TRAPPC9: variants seen among roughly 807,000 people sequenced by gnomAD.
TRAPPC9 encodes IKK2 binding protein.
A neutral mutation model predicts 124.0 loss-of-function variants in TRAPPC9; 83 were observed. The ratio of observed to expected loss-of-function variants is 0.67; its 90% CI spans 0.56 to 0.80. The LOEUF (loss-of-function observed/expected upper bound fraction) is 0.80. Ranked by LOEUF, TRAPPC9 falls within the 30% of genes least tolerant of loss-of-function variation. The pLI, the probability that TRAPPC9 is intolerant of heterozygous loss-of-function variation, is 0.00. For synonymous variants in TRAPPC9, 638 were observed against 617.5 expected (o/e 1.03, Z -0.49); for missense variants, 1,302 against 1,508.3 (o/e 0.86, Z 2.27).
intron 3 of TRAPPC9, among the ~76,000 whole-genome samples, chr8:140,436,053 C>A (rs557605316): frequency 1.0e-3 from 159 of 152,252 alleles, no homozygotes; most frequent in African/African-American, 3.7e-3. Context: ...GTATTAATTC[C>A]TCTTAAAATA....
At chr8:140,025,565 C>CAAAAAAAAAAAAAAAAAAAAAAAAAAAGA (rs11329773) in intron 17 of TRAPPC9, among the ~76,000 whole-genome samples, 1 of 123,852 alleles carries the variant, frequency 8.1e-6, no homozygotes, top group Non-Finnish European at 1.7e-5. Context: ...AAGCAAAATG[C>CAAAAAAAAAAAAAAAAAAAAAAAAAAAGA]AAAAAAAAAA....
At chr8:140,166,046 C>G (rs79346272) in intron 17 of TRAPPC9, among the ~76,000 whole-genome samples, 2,668 of 152,304 alleles carry the variant, frequency 0.018, 81 homozygotes, top group African/African-American at 0.06. Context: ...CCTGCATGCA[C>G]CGCAGCACAC....
At chr8:139,851,594 G>T (rs1827466402) in intron 21 of TRAPPC9, among the ~76,000 whole-genome samples, 1 of 152,162 alleles carries the variant, frequency 6.6e-6, no homozygotes, top group Non-Finnish European at 1.5e-5. Flanking sequence ...GAGCAAGTGG[G>T]ATAGCACTAA....
Position 140,254,335 on chromosome 8 carries a change from C to G in TRAPPC9, c.2279-1406G>C, listed in dbSNP as rs549135970. Among the ~76,000 whole-genome samples, 351 of 152,302 alleles carry G rather than the reference C, an allele frequency of 2.3e-3. 3 individuals carry two copies. Among genetic ancestry groups the G allele is most frequent in the Non-Finnish European group, 2.2e-3 (151 of 68,018 alleles). On this transcript the variant is annotated intron_variant, in intron 15 of 22. Transcript: ENST00000438773. ...AGCCAGTCACATCCTCCCTGGGGAG[C>G]CGGGGGCAGCCCTCCCTCTCCATAC...
rs937694615 is a variant in TRAPPC9, at chr8:140,439,123, T to C, written c.659A>G (p.Gln220Arg). 1.9e-6 allele frequency: 3 copies of C among 1,614,228 alleles called. No homozygotes were observed. The highest frequency in any genetic ancestry group is 2.2e-5 in the South Asian group (2 of 91,086). The change falls in exon 3 of 23, where the codon CAG (glutamine) becomes CGG (arginine). Residue 220 changes from glutamine (Q) to arginine (R), a missense_variant. By Grantham distance (43) the Gln-to-Arg change is conservative (BLOSUM62 1). Around this residue, in one of 3 missense-constraint regions of TRAPPC9, gnomAD observed 657 missense variants for 811.2 expected, o/e 0.81. Transcript: ENST00000438773. ...CATGTGGTAATGCACCAGGGAGTCC[T>C]GCAGCATCCCTGCCTGCAGGCACAG... ...GDLCLQAGML[Q>R]DSLVHYHMSV...
intron 17 of TRAPPC9, among the ~76,000 whole-genome samples, chr8:140,199,297 T>C (rs1050256307): frequency 6.6e-6 from 1 of 152,136 alleles, no homozygotes; most frequent in African/African-American, 2.4e-5. Context: ...TAAACCACAC[T>C]GTGAGTAGCA....
chr8:140,422,846 T>C (rs1430592668), intron 5 of TRAPPC9, among the ~76,000 whole-genome samples: 1 of 152,092 alleles, frequency 6.6e-6, no homozygotes, highest in Non-Finnish European at 1.5e-5. Context: ...TAGATATTTT[T>C]TCAAAGAAAA....
chr8:139,916,771 G>A (rs958977393), intron 19 of TRAPPC9, among the ~76,000 whole-genome samples: 16 of 152,222 alleles, frequency 1.1e-4, no homozygotes, highest in African/African-American at 1.4e-4. Context: ...TTTGAACAGC[G>A]GATAGCCTCA....
chr8:139,764,574 G>A (rs1820456091), intron 21 of TRAPPC9, among the ~76,000 whole-genome samples: 1 of 152,212 alleles, frequency 6.6e-6, no homozygotes, highest in African/African-American at 2.4e-5. Context: ...TTCAGCTGAG[G>A]TGGTTCTGCC....
intron 20 of TRAPPC9, among the ~76,000 whole-genome samples, chr8:139,894,332 G>A (rs1036903181): frequency 3.3e-5 from 5 of 152,158 alleles, no homozygotes; most frequent in Admixed American, 6.5e-5. Flanking sequence ...AACCCCCAAC[G>A]AGACCACTGG....
chr8:140,091,701 G>A (rs1028835208), intron 17 of TRAPPC9, among the ~76,000 whole-genome samples: 4 of 152,162 alleles, frequency 2.6e-5, no homozygotes, highest in Non-Finnish European at 5.9e-5. Flanking sequence ...GCTGCGGCAG[G>A]GGCAAGAGGG....
At chr8:140,120,734 ACATC>A (rs1334916097) in intron 17 of TRAPPC9, among the ~76,000 whole-genome samples, 1 of 146,622 alleles carries the variant, frequency 6.8e-6, no homozygotes, top group South Asian at 2.2e-4. Context: ...CATCCATCCA[ACATC>A]CATCCATCCA....
intron 17 of TRAPPC9, among the ~76,000 whole-genome samples, chr8:140,166,265 C>T (rs189462061): frequency 4.6e-5 from 7 of 152,352 alleles, no homozygotes; most frequent in Admixed American, 1.3e-4. Flanking sequence ...ACACCAATAT[C>T]CAGATGTGAG....
intron 19 of TRAPPC9, among the ~76,000 whole-genome samples, chr8:139,922,090 T>C (rs1334853450): frequency 6.6e-6 from 1 of 152,052 alleles, no homozygotes; most frequent in Admixed American, 6.5e-5. Flanking sequence ...ACGTTAACTA[T>C]AGAGAGTGAG....
intron 9 of TRAPPC9, among the ~76,000 whole-genome samples, chr8:140,312,526 A>G (rs2066324418): frequency 6.6e-6 from 1 of 152,192 alleles, no homozygotes; most frequent in African/African-American, 2.4e-5. Flanking sequence ...GATACGGTGC[A>G]CTGAATAAAC....
intron 21 of TRAPPC9, among the ~76,000 whole-genome samples, chr8:139,813,158 C>A (rs1296559638): frequency 6.6e-6 from 1 of 152,218 alleles, no homozygotes; most frequent in African/African-American, 2.4e-5. Flanking sequence ...AGGGCGTGCC[C>A]CAGCAGGTAG....
At chr8:139,811,748 A>G (rs1422397312) in intron 21 of TRAPPC9, among the ~76,000 whole-genome samples, 1 of 152,250 alleles carries the variant, frequency 6.6e-6, no homozygotes, top group African/African-American at 2.4e-5. Flanking sequence ...CACCTGACTG[A>G]TAAAGAATCT....
rs550202844 is a variant in TRAPPC9, at chr8:140,396,465, G to A, written c.1134+1155C>T. On this transcript the variant is annotated intron_variant, in intron 7 of 22. Transcript: ENST00000438773. ...CAAGACCTTGCTTTTAAAACCCGCC[G>A]CTCTTAGAAGCAGCCCCAAATGCTT... is the stretch of plus-strand genomic sequence containing the variant. Among the ~76,000 whole-genome samples, 20 of 151,940 alleles carry A rather than the reference G, an allele frequency of 1.3e-4. No individual in the cohort carries two copies. The South Asian group carries it at 2.1e-3, about 16-fold the overall frequency.
intron 19 of TRAPPC9, among the ~76,000 whole-genome samples, chr8:139,930,357 C>T (rs929112842): frequency 3.3e-5 from 5 of 152,172 alleles, no homozygotes; most frequent in Non-Finnish European, 5.9e-5. Context: ...AAGGCCAGCG[C>T]GCTCACACAA....
Sources: gnomAD v4.1 joint callset for allele counts (sites outside exome capture counted in the v4.1 genomes callset) on GRCh38, gnomAD v4.1.1 for gene constraint, gnomAD v4.1.1 regional missense constraint, MANE v1.5 for transcripts, NCBI Gene and HGNC (gene_info 2026-07-23, HGNC 2026-07-21) for gene names.